CAMK2G: variants seen among roughly 807,000 people sequenced by gnomAD.
CAMK2G encodes calcium/calmodulin-dependent protein kinase type II subunit gamma.
In CAMK2G, 23 loss-of-function variants were observed where a neutral mutation model predicts 88.7. The ratio of observed to expected loss-of-function variants is 0.26; its 90% CI spans 0.19 to 0.37. The LOEUF is 0.37. CAMK2G is among the 10% of genes least tolerant of loss of function. The pLI is 1.00. For synonymous variants in CAMK2G, 263 were observed against 294.8 expected (o/e 0.89, Z 1.11); for missense variants, 476 against 780.8 (o/e 0.61, Z 4.65).
At chr10:73,833,232 A>G (rs2092735457) in intron 14 of CAMK2G, among the ~76,000 whole-genome samples, 2 of 151,784 alleles carry the variant, frequency 1.3e-5, no homozygotes, top group African/African-American at 2.4e-5. Context: ...CAAAGTGCTG[A>G]GATTACAAGC....
intron 2 of CAMK2G, among the ~76,000 whole-genome samples, chr10:73,868,379 G>A (rs901625993): frequency 2.6e-5 from 4 of 152,176 alleles, no homozygotes; most frequent in Non-Finnish European, 5.9e-5. Flanking sequence ...TGGGAGGGGA[G>A]GGGGACAGGC....
At position 73,815,371 on chromosome 10, in the gene CAMK2G, C is replaced by T. The variant is rs553137710; in HGVS notation, c.1535-124G>A. On this transcript the variant is annotated intron_variant, in intron 21 of 22. Transcript: ENST00000423381. ...CACTCCCAGAATCTCCAAGTACCGC[C>T]CCCCCCCACCCCCGAACCCCTGAAC... The T allele has an allele frequency of 7.9e-5, 51 of 647,996 alleles. 2 individuals carry two copies. The highest frequency in any genetic ancestry group is 5.2e-4 in the South Asian group (28 of 54,040). 40.1% of individuals were successfully genotyped at this position (647,996 alleles called of 1,614,324 possible). A position where few individuals can be genotyped will look rare whatever the true frequency, so the allele number is the denominator to read the frequency against.
chr10:73,815,519 G>A (rs1017916419), intron 21 of CAMK2G, among the ~76,000 whole-genome samples: 4 of 152,060 alleles, frequency 2.6e-5, no homozygotes, highest in African/African-American at 9.7e-5. Flanking sequence ...GGTTTTACAT[G>A]CCCGAGCTGT....
chr10:73,852,907 G>A (rs746688909), intron 4 of CAMK2G: 37 of 463,644 alleles, frequency 8.0e-5, no homozygotes, highest in Non-Finnish European at 1.1e-4. Context: ...TCTTCACTAA[G>A]GACAGCACAC....
rs1339902892 is a variant in CAMK2G, at chr10:73,842,228, G to A, written c.904-17C>T. On this transcript the variant is annotated splice_polypyrimidine_tract_variant and intron_variant, in intron 11 of 22. Coordinates refer to ENST00000423381, the MANE Select transcript of CAMK2G (RefSeq NM_001367534.1). This position sits in a 1 kb window ranked among gnomAD's most constrained non-coding sequence, Gnocchi z 4.6. ...GATGGCACCCTGGGGAAAGAGGAAG[G>A]TCCTGTGAATTCACTGAGACCCTAG... The A allele has an allele frequency of 3.7e-6, 6 of 1,606,110 alleles. No homozygotes were observed. Among genetic ancestry groups the A allele is most frequent in the Non-Finnish European group, 5.1e-6 (6 of 1,172,794 alleles).
intron 10 of CAMK2G, among the ~76,000 whole-genome samples, chr10:73,844,326 A>T (rs925597450): frequency 6.6e-6 from 1 of 151,996 alleles, no homozygotes. Context: ...TCCGGGCTCA[A>T]GTGATCTACC....
chr10:73,814,967 C>A lies in CAMK2G; in HGVS notation c.*12+36G>T, dbSNP rs1363387686. On this transcript the variant is annotated intron_variant, in intron 22 of 22. Transcript: ENST00000423381. ...TTCCTCTGACCCCACCTATCCCAGG[C>A]CCTTCCAGCCCCTCTCCCCCGTCAA... is the stretch of plus-strand genomic sequence containing the variant. 6 of 1,429,286 alleles carry A rather than the reference C, an allele frequency of 4.2e-6. No individual in the cohort carries two copies. The African/African-American group carries it at 7.0e-5, about 17-fold the overall frequency. The allele number at this position is 1,429,286 out of a possible 1,614,324, so 88.5% of individuals were successfully genotyped here.
At chr10:73,837,564 C>T (rs2093369465) in intron 13 of CAMK2G, 53 bp from the exon 14 acceptor site, 4 of 1,438,286 alleles carry the variant, frequency 2.8e-6, no homozygotes, top group Non-Finnish European at 3.9e-6. Context: ...CTCTCCCCAA[C>T]CTGAAGTCCG....
chr10:73,867,281 A>C (rs906482011), intron 2 of CAMK2G, among the ~76,000 whole-genome samples: 9 of 152,218 alleles, frequency 5.9e-5, no homozygotes, highest in African/African-American at 7.2e-5. Context: ...GCCCTCAATC[A>C]GCTTTGACAG....
chr10:73,827,054 G>A, intron 15 of CAMK2G, among the ~76,000 whole-genome samples: 1 of 152,166 alleles, frequency 6.6e-6, no homozygotes, highest in East Asian at 1.9e-4. Flanking sequence ...ATGCTGACCT[G>A]TTCGGGGTTG....
At chr10:73,821,940 G>C (rs2088990055) in intron 17 of CAMK2G, among the ~76,000 whole-genome samples, 1 of 152,088 alleles carries the variant, frequency 6.6e-6, no homozygotes, top group Non-Finnish European at 1.5e-5. Flanking sequence ...CAGTTACTCA[G>C]GCTAAAACCT....
chr10:73,842,093 G>A lies in CAMK2G; in HGVS notation c.946+76C>T. The A allele has an allele frequency of 1.7e-6, 2 of 1,204,382 alleles. No individual in the cohort carries two copies. The highest frequency in any genetic ancestry group is 2.5e-6 in the Non-Finnish European group (2 of 806,238). The allele number at this position is 1,204,382 out of a possible 1,614,324, so 74.6% of individuals were successfully genotyped here. On this transcript the variant is annotated intron_variant, in intron 12 of 22. Coordinates refer to ENST00000423381, the MANE Select transcript of CAMK2G (RefSeq NM_001367534.1). The surrounding 1 kb of genome is among the most constrained non-coding windows in gnomAD (Gnocchi z 4.6). Reference sequence around the variant, plus strand: ...CCCAGGACGCCGAGGAAACCCAGCGGTGCCCGGGATGGCAACAGCCCATTC... The same window carrying A: ...CCCAGGACGCCGAGGAAACCCAGCGATGCCCGGGATGGCAACAGCCCATTC...
At chr10:73,852,477 A>C in intron 4 of CAMK2G, 158 bp from the exon 5 acceptor site, 1 of 634,080 alleles carries the variant, frequency 1.6e-6, no homozygotes, top group Non-Finnish European at 2.9e-6. Context: ...TCGATCCTTC[A>C]GTGACACCCG....
At chr10:73,824,473 G>T (rs1009381154) in intron 16 of CAMK2G, among the ~76,000 whole-genome samples, 8 of 152,218 alleles carry the variant, frequency 5.3e-5, no homozygotes, top group African/African-American at 1.7e-4. Context: ...CGTTCATCAC[G>T]GGGAATGTGT....
chr10:73,850,870 G>A (rs1301257384), intron 5 of CAMK2G, among the ~76,000 whole-genome samples: 1 of 152,236 alleles, frequency 6.6e-6, no homozygotes, highest in Non-Finnish European at 1.5e-5. Flanking sequence ...CCACAGAGAT[G>A]TATAATTAGA....
rs1342641778 is a variant in CAMK2G at position 73,842,598 on chromosome 10, A to G, written c.820-57T>C. The G allele has an allele frequency of 3.2e-6, 4 of 1,257,022 alleles. No homozygotes were observed. Among genetic ancestry groups the G allele is most frequent in the African/African-American group, 1.5e-5 (1 of 68,006 alleles). 77.9% of individuals were successfully genotyped at this position (1,257,022 alleles called of 1,614,324 possible). A position where few individuals can be genotyped will look rare whatever the true frequency, so the allele number is the denominator to read the frequency against. ...AGCCCAGATCCTCTGCGCCTCCCAC[A>G]GTCCTGGCACCGATACCATGCCCAG... On this transcript the variant is annotated intron_variant, in intron 10 of 22. Coordinates refer to ENST00000423381, the MANE Select transcript of CAMK2G (RefSeq NM_001367534.1). This position sits in a 1 kb window ranked among gnomAD's most constrained non-coding sequence, Gnocchi z 4.6.
intron 2 of CAMK2G, among the ~76,000 whole-genome samples, chr10:73,868,797 G>A (rs1445136755): frequency 6.6e-6 from 1 of 152,150 alleles, no homozygotes; most frequent in Non-Finnish European, 1.5e-5. Flanking sequence ...CAACACTAAG[G>A]GGGCGGGGAC....
At chr10:73,833,023 G>C (rs1160700730) in intron 14 of CAMK2G, among the ~76,000 whole-genome samples, 1 of 149,570 alleles carries the variant, frequency 6.7e-6, no homozygotes, top group Non-Finnish European at 1.5e-5. Context: ...GGAGCGCAGT[G>C]GTGTGATCCT....
At chr10:73,817,970 G>A (rs1033072713) in intron 19 of CAMK2G, among the ~76,000 whole-genome samples, 5 of 152,142 alleles carry the variant, frequency 3.3e-5, no homozygotes, top group Non-Finnish European at 5.9e-5. Context: ...ACCTGAAGGG[G>A]CTCAGTCAGG....
Sources: gnomAD v4.1 joint callset for allele counts (sites outside exome capture counted in the v4.1 genomes callset) on GRCh38, gnomAD v4.1.1 for gene constraint, Gnocchi (gnomAD v3.1) non-coding constraint, MANE v1.5 for transcripts, NCBI Gene and HGNC (gene_info 2026-07-23, HGNC 2026-07-21) for gene names.